MSLN: variants seen among roughly 807,000 people sequenced by gnomAD.
The protein encoded by MSLN is mesothelin, also known as CAK1 antigen.
A neutral mutation model predicts 72.6 loss-of-function variants in MSLN; 82 were observed. The observed-to-expected ratio is 1.13, with a 90% confidence interval of 0.94 to 1.36. MSLN has a LOEUF of 1.36. Ranked by LOEUF, MSLN falls within the 40% of genes most tolerant of loss-of-function variation. MSLN has a pLI of 0.00. For missense variants in MSLN, 1,005 were observed against 847.9 expected, an observed-to-expected ratio of 1.19 and a Z score of -2.30; for synonymous variants, 456 against 387.3, an observed-to-expected ratio of 1.18 and a Z score of -2.08.
At chr16:765,409 C>A in intron 9 of MSLN, 106 bp downstream of exon 9, 2 of 1,414,910 alleles carry the variant, frequency 1.4e-6, no homozygotes, top group Non-Finnish European at 1.9e-6. Context: ...GTCACCCCCG[C>A]CACCACCCCT....
intron 4 of MSLN, 39 bp from the exon 5 acceptor site, chr16:763,603 G>T (rs1220074099): frequency 2.6e-6 from 4 of 1,562,494 alleles, no homozygotes; most frequent in Non-Finnish European, 2.6e-6. Flanking sequence ...GCTCCAGAGA[G>T]CTGGTCTGAG....
At position 766,875 on chromosome 16, in the gene MSLN, G is replaced by A. The variant is rs199566380; in HGVS notation, c.1374-10G>A. 6.6e-5 allele frequency: 107 copies of A among 1,612,398 alleles called. No individual in the cohort carries two copies. The Admixed American group carries it at 7.2e-4, about 11-fold the overall frequency. ...TGCTGGCGCTCACTGTCCACCCACC[G>A]TGTCCCCAGGGCGGTCAGGCCCCAG... On this transcript the variant is annotated splice_polypyrimidine_tract_variant and intron_variant, in intron 14 of 17. Transcript: ENST00000545450.
At position 766,808 on chromosome 16, in the gene MSLN, C is replaced by T. The variant is rs2151617024; in HGVS notation, c.1371C>T (p.Ile457=). Residue 457 remains isoleucine (I), a splice_region_variant and synonymous_variant, in exon 14 of 18, where the codon ATC becomes ATT. Transcript: ENST00000545450. ...EELSSVPPSS[I]WAVRPQDLDT... ...TGAGCTCCGTGCCCCCCAGCAGCAT[C>T]TGGTGAGTCCCCAGAACTCTGCCCG... is the stretch of plus-strand genomic sequence containing the variant. 6.2e-7 allele frequency: 1 copy of T among 1,612,474 alleles called. No homozygotes were observed. The highest frequency in any genetic ancestry group is 1.3e-5 in the African/African-American group (1 of 75,044).
chr16:767,075 G>C, intron 15 of MSLN, 63 bp downstream of exon 15: 1 of 1,606,052 alleles, frequency 6.2e-7, no homozygotes, highest in Non-Finnish European at 8.5e-7. Flanking sequence ...ACTCCACTCG[G>C]GGGTGCCAGG....
Position 768,615 on chromosome 16 carries a change from G to T in MSLN, c.1784-33G>T, listed in dbSNP as rs371354309. 6.8e-6 allele frequency: 11 copies of T among 1,611,468 alleles called. No homozygotes were observed. In the African/African-American group the frequency reaches 1.5e-4, roughly 22 times the overall value. On this transcript the variant is annotated intron_variant, in intron 17 of 17. Transcript: ENST00000545450. ...CTGGGGGCAGAGCTGGGGGCGTGGA[G>T]GTGGGCGCTCTGAGTCACCCCTCTC...
chr16:763,655 T>G lies in MSLN; in HGVS notation c.143T>G (p.Leu48Arg), dbSNP rs1842697336. ...CTGTGTCCCCAGGAGGCTGCGCCCC[T>G]GGACGGAGTCCTGGCCAACCCACCT... ...AGETGQEAAP[L>R]DGVLANPPNI... Residue 48 changes from leucine (L) to arginine (R), a missense_variant, in exon 5 of 18, where the codon CTG becomes CGG. Coordinates refer to ENST00000545450, the MANE Select transcript of MSLN (RefSeq NM_005823.6). The G allele has an allele frequency of 1.3e-6, 2 of 1,594,954 alleles. No homozygotes were observed. Among genetic ancestry groups the G allele is most frequent in the Non-Finnish European group, 1.7e-6 (2 of 1,170,282 alleles).
At chr16:763,358 C>G in intron 4 of MSLN, 82 bp downstream of exon 4, 1 of 1,206,026 alleles carries the variant, frequency 8.3e-7, no homozygotes, top group Non-Finnish European at 1.2e-6. Context: ...TGTCACGTAT[C>G]CACGGTGCTT....
chr16:765,287 G>A lies in MSLN; in HGVS notation c.688G>A (p.Gly230Arg), dbSNP rs527803994. 9.9e-5 allele frequency: 156 copies of A among 1,578,762 alleles called. No homozygotes were observed. The highest frequency in any genetic ancestry group is 3.1e-4 in the Admixed American group (18 of 57,148). Residue 230 changes from glycine (G) to arginine (R), a missense_variant, in exon 9 of 18, where the codon GGG (glycine) becomes AGG (arginine). Physicochemically the swap from Gly to Arg is moderately radical, Grantham distance 125. Coordinates refer to ENST00000545450, the MANE Select transcript of MSLN (RefSeq NM_005823.6). ...GGCAGCCAGGGCGGCTCTGCAGGGC[G>A]GGGGACCCCCCTACGGGTAAGTGAA... ...QEAARAALQG[G>R]GPPYGPPSTW...
At chr16:761,970 G>A (rs1400010268) in intron 2 of MSLN, among the ~76,000 whole-genome samples, 1 of 152,174 alleles carries the variant, frequency 6.6e-6, no homozygotes, top group Non-Finnish European at 1.5e-5. Context: ...ACCCCAGGAG[G>A]ACAATTCTTG....
chr16:762,897 C>G, intron 3 of MSLN, 132 bp downstream of exon 3: 1 of 710,216 alleles, frequency 1.4e-6, no homozygotes, highest in Non-Finnish European at 2.3e-6. Flanking sequence ...CAGCAGCAGT[C>G]TCTGCCCCCA....
chr16:767,511 G>A (rs374098962), intron 16 of MSLN, 41 bp downstream of exon 16: 17 of 1,418,558 alleles, frequency 1.2e-5, no homozygotes, highest in East Asian at 2.6e-5. Context: ...GGAGGGGCCC[G>A]TGGAGGAGGG....
chr16:766,912 G>T lies in MSLN; in HGVS notation c.1401G>T (p.Thr467=), dbSNP rs201497278. 2 of 1,612,554 alleles carry T rather than the reference G, an allele frequency of 1.2e-6. No individual in the cohort carries two copies. Among genetic ancestry groups the T allele is most frequent in the South Asian group, 1.1e-5 (1 of 91,082 alleles). ...IWAVRPQDLD[T]CDPRQLDVLY... Reference sequence around the variant, plus strand: ...CGGTCAGGCCCCAGGACCTGGACACGTGTGACCCAAGGCAGCTGGACGTCC... The same window carrying T: ...CGGTCAGGCCCCAGGACCTGGACACTTGTGACCCAAGGCAGCTGGACGTCC... The change falls in exon 15 of 18, where the codon ACG becomes ACT. Residue 467 remains threonine (T), a synonymous_variant. Transcript: ENST00000545450.
At chr16:762,539 C>G (rs1076675) in intron 2 of MSLN, 133 bp from the exon 3 acceptor site, 1 of 695,468 alleles carries the variant, frequency 1.4e-6, no homozygotes, top group South Asian at 1.7e-5. Context: ...GGCCAGGGTG[C>G]GGACACAAGC....
In MSLN at chr16:768,500, C is replaced by CGCTGGG. The variant is rs770393508; in HGVS notation, c.1728_1733dup (p.Gly577_Leu578dup). On this transcript the variant is annotated inframe_insertion, in exon 17 of 18. Coordinates refer to ENST00000545450, the MANE Select transcript of MSLN (RefSeq NM_005823.6). ...CGGCAGCGGCAGGACGACCTGGACA[C>CGCTGGG]GCTGGGGCTGGGGCTACAGGGCGGC... 2.0e-4 allele frequency: 325 copies of CGCTGGG among 1,589,616 alleles called. 1 individual carries two copies. The highest frequency in any genetic ancestry group is 7.0e-4 in the African/African-American group (52 of 74,570).
At chr16:763,758 A>G in intron 5 of MSLN, 67 bp downstream of exon 5, 1 of 430,374 alleles carries the variant, frequency 2.3e-6, no homozygotes, top group Non-Finnish European at 2.8e-6. Context: ...GAGGGTGGGC[A>G]GGGCACCCCA....
At chr16:766,313 C>T (rs1596694157) in intron 12 of MSLN, 22 bp from the exon 13 acceptor site, 1 of 1,612,266 alleles carries the variant, frequency 6.2e-7, no homozygotes, top group Non-Finnish European at 8.5e-7. Flanking sequence ...GACATGGGCC[C>T]TCCTGGTCTC....
In MSLN at chr16:766,801, G is replaced by T; in HGVS notation, c.1364G>T (p.Ser455Ile). Residue 455 changes from serine (S) to isoleucine (I), a missense_variant, in exon 14 of 18, where the codon AGC (serine) becomes ATC (isoleucine). Transcript: ENST00000545450. ...GAGGAGCTGAGCTCCGTGCCCCCCAGCAGCATCTGGTGAGTCCCCAGAACT... is the reference window on the plus strand; with the variant it reads ...GAGGAGCTGAGCTCCGTGCCCCCCATCAGCATCTGGTGAGTCCCCAGAACT... ...SPEELSSVPP[S>I]SIWAVRPQDL... 6.2e-7 allele frequency: 1 copy of T among 1,612,436 alleles called. No homozygotes were observed. Among genetic ancestry groups the T allele is most frequent in the South Asian group, 1.1e-5 (1 of 91,086 alleles).
At chr16:764,464 C>T (rs374735619) in intron 6 of MSLN, among the ~76,000 whole-genome samples, 183 bp from the exon 7 acceptor site, 5 of 152,150 alleles carry the variant, frequency 3.3e-5, no homozygotes, top group Admixed American at 1.3e-4. Flanking sequence ...GGAAGGGGAG[C>T]GGAGCCAGGC....
intron 15 of MSLN, 136 bp downstream of exon 15, chr16:767,148 C>T (rs569368937): frequency 1.2e-4 from 170 of 1,427,622 alleles, no homozygotes; most frequent in African/African-American, 3.1e-4. Flanking sequence ...CTCTGCCCCC[C>T]GGGGTGTGTA....
Sources: allele counts gnomAD v4.1 joint callset (sites outside exome capture counted in the v4.1 genomes callset), GRCh38; gene constraint gnomAD v4.1.1; transcripts MANE v1.5; gene names NCBI Gene and HGNC (gene_info 2026-07-23, HGNC 2026-07-21).